The following RAB27A variants were observed in gnomAD, a reference collection of about 807,000 sequenced individuals.
The protein encoded by RAB27A is RAB27A, member RAS oncogene family, also known as ras-related protein Rab-27A.
A neutral mutation model predicts 20.8 loss-of-function variants in RAB27A; 17 were observed. The observed-to-expected ratio is 0.82, with a 90% CI of 0.56 to 1.23. The LOEUF is 1.23. RAB27A is among the 50% of genes most tolerant of loss of function. The pLI is 0.00. For missense variants in RAB27A, 277 were observed against 266.7 expected, an observed-to-expected ratio of 1.04 and a Z score of -0.27; for synonymous variants, 85 against 92.8, an observed-to-expected ratio of 0.92 and a Z score of 0.48.
chr15:55,312,734 T>G (rs1014454822), intron 2 of RAB27A, among the ~76,000 whole-genome samples: 1 of 152,214 alleles, frequency 6.6e-6, no homozygotes, highest in Non-Finnish European at 1.5e-5. Flanking sequence ...CAAAAGCAGC[T>G]TACTTTAACT....
chr15:55,250,395 G>A (rs1040083058), intron 2 of RAB27A, among the ~76,000 whole-genome samples: 2 of 152,130 alleles, frequency 1.3e-5, no homozygotes, highest in African/African-American at 4.8e-5. Flanking sequence ...TACCTTTAAC[G>A]TATACATGTT....
chr15:55,231,282 G>A (rs919263529), intron 3 of RAB27A, among the ~76,000 whole-genome samples: 1 of 152,122 alleles, frequency 6.6e-6, no homozygotes, highest in African/African-American at 2.4e-5. Context: ...ATAAACATTT[G>A]AGTGCAGATG....
intron 2 of RAB27A, among the ~76,000 whole-genome samples, chr15:55,240,024 A>G (rs569704614): frequency 2.2e-4 from 34 of 152,272 alleles, no homozygotes; most frequent in Middle Eastern, 3.4e-3. Context: ...TGGCTTTCTC[A>G]TCACTACTTA....
chr15:55,241,634 A>G (rs991030808), intron 2 of RAB27A, among the ~76,000 whole-genome samples: 3 of 127,314 alleles, frequency 2.4e-5, no homozygotes, highest in Admixed American at 7.6e-5. Context: ...ATGTGTGTAT[A>G]TATATTTGTT....
chr15:55,228,757 T>C (rs1895916843), intron 4 of RAB27A, 45 bp from the exon 5 acceptor site: 3 of 1,350,542 alleles, frequency 2.2e-6, no homozygotes, highest in Admixed American at 1.7e-5. Context: ...ACGGCCCCAC[T>C]CCTGAAATAT....
At chr15:55,266,287 T>A (rs1897481640) in intron 2 of RAB27A, among the ~76,000 whole-genome samples, 1 of 152,210 alleles carries the variant, frequency 6.6e-6, no homozygotes. Context: ...AGCATGCTGA[T>A]ACCCTGATCT....
chr15:55,316,161 G>A lies in RAB27A; in HGVS notation c.-233-2001C>T, dbSNP rs553003852. On this transcript the variant is annotated intron_variant, in intron 1 of 5. Coordinates refer to the RAB27A transcript ENST00000563262. ...GCAGAACTGCTTGAACCTGGGAGGC[G>A]GAGGCAGAGGTTGCAGCAAACCAAT... 2.1e-4 allele frequency among the ~76,000 whole-genome samples: 32 copies of A among 151,546 alleles called. 1 individual carries two copies. The South Asian group carries it at 2.7e-3, about 13-fold the overall frequency.
intron 5 of RAB27A, among the ~76,000 whole-genome samples, chr15:55,224,776 TA>T (rs1895730197): frequency 6.6e-6 from 1 of 152,226 alleles, no homozygotes; most frequent in Admixed American, 6.5e-5. Flanking sequence ...CACCCCAGAA[TA>T]AAATTAAGGC....
chr15:55,247,172 C>T (rs191825925), intron 2 of RAB27A, among the ~76,000 whole-genome samples: 1 of 152,124 alleles, frequency 6.6e-6, no homozygotes, highest in Non-Finnish European at 1.5e-5. Context: ...ACTTAAGCTA[C>T]CTGGAAGGTA....
chr15:55,305,429 A>G (rs558042878), intron 2 of RAB27A, among the ~76,000 whole-genome samples: 2 of 152,330 alleles, frequency 1.3e-5, no homozygotes, highest in South Asian at 4.1e-4. Context: ...CCATTTGAAG[A>G]ACCATTTGTA....
At chr15:55,314,204 T>C (rs1350271677) in intron 1 of RAB27A, 3 of 150,410 alleles carry the variant, frequency 2.0e-5, no homozygotes, top group Non-Finnish European at 3.0e-5. Flanking sequence ...GGTCTCCACC[T>C]AACATAGCTG....
intron 2 of RAB27A, among the ~76,000 whole-genome samples, chr15:55,243,229 C>T (rs552430739): frequency 5.4e-4 from 82 of 152,256 alleles, no homozygotes; most frequent in Admixed American, 1.0e-3. Flanking sequence ...ATACTTGTAC[C>T]ATATCCCATA....
intron 1 of RAB27A, among the ~76,000 whole-genome samples, chr15:55,315,709 A>G (rs746065184): frequency 3.7e-4 from 56 of 152,346 alleles, no homozygotes; most frequent in Non-Finnish European, 6.2e-4. Flanking sequence ...ATGAGATACC[A>G]TCTCATGCCA....
At chr15:55,255,510 T>C (rs1018833928) in intron 2 of RAB27A, among the ~76,000 whole-genome samples, 2 of 152,210 alleles carry the variant, frequency 1.3e-5, no homozygotes, top group Non-Finnish European at 2.9e-5. Flanking sequence ...CAAATGCTAA[T>C]TGTGTCTATC....
intron 2 of RAB27A, among the ~76,000 whole-genome samples, chr15:55,312,052 G>T (rs2055022980): frequency 6.6e-6 from 1 of 152,228 alleles, no homozygotes; most frequent in African/African-American, 2.4e-5. Context: ...TCACGGAAGA[G>T]AACCGTGGAA....
chr15:55,237,530 G>C (rs138717627), intron 2 of RAB27A: 7 of 152,108 alleles, frequency 4.6e-5, no homozygotes, highest in Non-Finnish European at 1.0e-4. Flanking sequence ...TTGGATATTT[G>C]CAAGTATAGG....
At chr15:55,222,540 A>G (rs1011161976) in intron 6 of RAB27A, among the ~76,000 whole-genome samples, 1 of 152,142 alleles carries the variant, frequency 6.6e-6, no homozygotes, top group African/African-American at 2.4e-5. Context: ...CCTGTCCTCC[A>G]GGGATCAAAT....
Sources: allele counts gnomAD v4.1 joint callset (sites outside exome capture counted in the v4.1 genomes callset), GRCh38; gene constraint gnomAD v4.1.1; transcripts MANE v1.5; gene names NCBI Gene and HGNC (gene_info 2026-07-23, HGNC 2026-07-21).